KIF27: variants seen among roughly 807,000 people sequenced by gnomAD.
KIF27 encodes kinesin family member 27.
In KIF27, 84 loss-of-function variants were observed where a neutral mutation model predicts 141.8. The observed-to-expected ratio is 0.59, with a 90% CI of 0.50 to 0.71. The LOEUF (loss-of-function observed/expected upper bound fraction) is 0.71. Among genes scored for constraint, KIF27 ranks in the 30% least tolerant of loss-of-function variants. The probability of loss-of-function intolerance (pLI) is 0.00; values close to 1 mark genes in which losing one functional copy is unlikely to be tolerated. For missense variants in KIF27, 1,306 were observed against 1,628.4 expected (o/e 0.80, Z 3.41); for synonymous variants, 471 against 569.5 (o/e 0.83, Z 2.46).
At chr9:83,894,500 T>A (rs1831758) in intron 5 of KIF27, among the ~76,000 whole-genome samples, 74,828 of 152,008 alleles carry the variant, frequency 0.49, 19,856 homozygotes, top group African/African-American at 0.73. Context: ...CTGTTTGCAC[T>A]ATCAATGTGG....
chr9:83,886,785 GTA>G (rs2132294225), intron 9 of KIF27, among the ~76,000 whole-genome samples: 2 of 152,112 alleles, frequency 1.3e-5, no homozygotes, highest in East Asian at 3.9e-4. Flanking sequence ...GTTGTAACTG[GTA>G]CATTAAGTGC....
intron 2 of KIF27, among the ~76,000 whole-genome samples, chr9:83,914,008 G>A (rs1220060702): frequency 2.6e-5 from 4 of 151,628 alleles, no homozygotes; most frequent in Non-Finnish European, 4.4e-5. Flanking sequence ...TCTGATAGAG[G>A]GAACTTTAGA....
rs547806235 is a variant in KIF27 at position 83,867,746 on chromosome 9, T to C, written c.2872A>G (p.Lys958Glu). 50 of 1,613,200 alleles carry C rather than the reference T, an allele frequency of 3.1e-5. No individual in the cohort carries two copies. In the South Asian group the frequency reaches 3.7e-4, roughly 12 times the overall value. Reference protein sequence around the residue: ...DLKKREAIVSKKEALLQEKSH... With the variant: ...DLKKREAIVSEKEALLQEKSH... Reference sequence around the variant, plus strand: ...TTCTCCTGTAACAGAGCCTCCTTCTTAGAAACTATGGCCTCCCGTTTCTTT... The same window carrying C: ...TTCTCCTGTAACAGAGCCTCCTTCTCAGAAACTATGGCCTCCCGTTTCTTT... Residue 958 changes from lysine to glutamate, a missense_variant, in exon 13 of 18, where the codon AAG becomes GAG. Around this residue, in one of 4 missense-constraint regions of KIF27, gnomAD observed 596 missense variants for 751.6 expected, o/e 0.79. Coordinates refer to ENST00000297814, the MANE Select transcript of KIF27 (RefSeq NM_017576.4).
At position 83,898,542 on chromosome 9, in the gene KIF27, G is replaced by A. The variant is rs187273869; in HGVS notation, c.1602+1119C>T. 7.6e-3 allele frequency among the ~76,000 whole-genome samples: 1,165 copies of A among 152,288 alleles called. 11 individuals are homozygous for A. The highest frequency in any genetic ancestry group is 0.021 in the African/African-American group (888 of 41,554). ...AAGGAGGCACTAAAAATTTTGAGGCGCTGGCAGTTAGCAATTTCTTGACCT... is the reference window on the plus strand; with the variant it reads ...AAGGAGGCACTAAAAATTTTGAGGCACTGGCAGTTAGCAATTTCTTGACCT... On this transcript the variant is annotated intron_variant, in intron 5 of 17. Transcript: ENST00000297814.
Position 83,874,933 on chromosome 9 carries a change from C to CAAA in KIF27, c.2644-4304_2644-4302dup, listed in dbSNP as rs34762926. Reference sequence around the variant, plus strand: ...TGGATGACAGAGCAAGACCTTGTCTCAAAAAAAAAAAAAAAAAAAAGTGCA... The same window carrying CAAA: ...TGGATGACAGAGCAAGACCTTGTCTCAAAAAAAAAAAAAAAAAAAAAAAGTGCA... On this transcript the variant is annotated intron_variant, in intron 11 of 17. Transcript: ENST00000297814. Among the ~76,000 whole-genome samples the CAAA allele has an allele frequency of 2.2e-3, 205 of 91,316 alleles. 3 individuals are homozygous for CAAA. The highest frequency in any genetic ancestry group is 3.4e-3 in the East Asian group (10 of 2,976). The allele number at this position is 91,316 out of a possible 152,430, so 59.9% of individuals were successfully genotyped here. A position where few individuals can be genotyped will look rare whatever the true frequency, so the allele number is the denominator to read the frequency against.
chr9:83,919,030 C>G, intron 1 of KIF27, among the ~76,000 whole-genome samples: 1 of 152,094 alleles, frequency 6.6e-6, no homozygotes, highest in East Asian at 1.9e-4. Flanking sequence ...GAGCTGAGAT[C>G]GAACCACTGC....
chr9:83,901,325 G>GT (rs370375846), intron 4 of KIF27, among the ~76,000 whole-genome samples: 23 of 152,262 alleles, frequency 1.5e-4, no homozygotes, highest in African/African-American at 5.3e-4. Context: ...CATATTTCAA[G>GT]TAACTAGAAA....
At chr9:83,842,851 T>C (rs764275352) in intron 16 of KIF27, among the ~76,000 whole-genome samples, 3 of 152,156 alleles carry the variant, frequency 2.0e-5, no homozygotes, top group Non-Finnish European at 4.4e-5. Context: ...AATGGGTTTG[T>C]TTTCAGCTAC....
chr9:83,914,166 A>G (rs967936147), intron 2 of KIF27, among the ~76,000 whole-genome samples: 27 of 151,710 alleles, frequency 1.8e-4, no homozygotes, highest in African/African-American at 6.0e-4. Flanking sequence ...TCCTATTGGT[A>G]TAAAGCACAT....
At chr9:83,900,984 G>A (rs902442869) in intron 4 of KIF27, among the ~76,000 whole-genome samples, 13 of 151,842 alleles carry the variant, frequency 8.6e-5, no homozygotes, top group African/African-American at 3.1e-4. Flanking sequence ...TTAGAGACAG[G>A]GTCTCACTCT....
chr9:83,890,566 A>G (rs927268783), intron 6 of KIF27, among the ~76,000 whole-genome samples: 5 of 152,218 alleles, frequency 3.3e-5, no homozygotes, highest in African/African-American at 1.2e-4. Context: ...AAATGTCCAG[A>G]GCTATTATAG....
chr9:83,869,104 A>G (rs1950574604), intron 12 of KIF27, among the ~76,000 whole-genome samples: 1 of 152,198 alleles, frequency 6.6e-6, no homozygotes, highest in African/African-American at 2.4e-5. Flanking sequence ...AAAAACCTAA[A>G]AAATTACAAC....
At chr9:83,875,495 A>C (rs1393185023) in intron 11 of KIF27, among the ~76,000 whole-genome samples, 1 of 152,130 alleles carries the variant, frequency 6.6e-6, no homozygotes, top group Non-Finnish European at 1.5e-5. Flanking sequence ...TTAAGCATTA[A>C]ATTTGGAAAT....
intron 12 of KIF27, 122 bp downstream of exon 12, chr9:83,870,397 C>T (rs1950675359): frequency 1.4e-6 from 2 of 1,389,704 alleles, no homozygotes; most frequent in South Asian, 2.8e-5. Flanking sequence ...GAACTCCTGA[C>T]CGCAGGTGAT....
At chr9:83,918,326 G>C (rs544536326) in intron 1 of KIF27, among the ~76,000 whole-genome samples, 7 of 144,720 alleles carry the variant, frequency 4.8e-5, no homozygotes, top group African/African-American at 1.0e-4. Context: ...AGAGAAATGG[G>C]GGGGGGGCAG....
chr9:83,896,889 TA>T (rs1400463399), intron 5 of KIF27, among the ~76,000 whole-genome samples: 3 of 152,162 alleles, frequency 2.0e-5, no homozygotes, highest in Non-Finnish European at 4.4e-5. Flanking sequence ...AAGTAGAAAG[TA>T]AAGTGGTTTT....
In KIF27 at chr9:83,857,824, A is replaced by C. The variant is rs186009062; in HGVS notation, c.3150+1332T>G. On this transcript the variant is annotated intron_variant, in intron 14 of 17. Coordinates refer to ENST00000297814, the MANE Select transcript of KIF27 (RefSeq NM_017576.4). ...CCCAAATGATCACTTCATTGCTTTG[A>C]ATAAATAATGTAAGAGGTATAGCTG... is the stretch of plus-strand genomic sequence containing the variant. 6.4e-3 allele frequency among the ~76,000 whole-genome samples: 978 copies of C among 152,258 alleles called. 5 individuals carry two copies. Among genetic ancestry groups the C allele is most frequent in the Middle Eastern group, 0.017 (5 of 294 alleles).
At chr9:83,855,903 A>G (rs943528391) in intron 14 of KIF27, among the ~76,000 whole-genome samples, 2 of 152,238 alleles carry the variant, frequency 1.3e-5, no homozygotes, top group Non-Finnish European at 2.9e-5. Flanking sequence ...AAGTACTGAG[A>G]TAATATAAGG....
intron 8 of KIF27, among the ~76,000 whole-genome samples, chr9:83,887,493 G>C (rs1952218257): frequency 6.6e-6 from 1 of 152,134 alleles, no homozygotes; most frequent in Non-Finnish European, 1.5e-5. Flanking sequence ...ATTTGAGATA[G>C]GTATAAAATT....
Sources: gnomAD v4.1 joint callset for allele counts (sites outside exome capture counted in the v4.1 genomes callset) on GRCh38, gnomAD v4.1.1 for gene constraint, gnomAD v4.1.1 regional missense constraint, MANE v1.5 for transcripts, NCBI Gene and HGNC (gene_info 2026-07-23, HGNC 2026-07-21) for gene names.